DPP6: variants seen among roughly 807,000 people sequenced by gnomAD.
DPP6 encodes A-type potassium channel modulatory protein DPP6.
DPP6 carries 69 observed loss-of-function variants against 122.6 expected under a neutral mutation model. The ratio of observed to expected loss-of-function variants is 0.56; its 90% CI spans 0.46 to 0.69. The LOEUF is 0.69. Ranked by LOEUF, DPP6 falls within the 30% of genes least tolerant of loss-of-function variation. The pLI is 0.00. For synonymous variants in DPP6, 418 were observed against 433.1 expected (o/e 0.97, Z 0.43); for missense variants, 928 against 1,116.9 (o/e 0.83, Z 2.41).
intron 1 of DPP6, among the ~76,000 whole-genome samples, chr7:154,196,097 C>T (rs1798853011): frequency 6.6e-6 from 1 of 152,206 alleles, no homozygotes; most frequent in East Asian, 1.9e-4. Context: ...TGTTCCTCCT[C>T]TCCTCTCTGT....
chr7:153,900,067 T>C (rs555996376), intron 1 of DPP6, among the ~76,000 whole-genome samples: 1 of 152,288 alleles, frequency 6.6e-6, no homozygotes, highest in Non-Finnish European at 1.5e-5. Flanking sequence ...AAGAACAAAA[T>C]CTTGAGCCCA....
At chr7:154,468,506 G>T (rs1280152416) in intron 2 of DPP6, among the ~76,000 whole-genome samples, 1 of 152,204 alleles carries the variant, frequency 6.6e-6, no homozygotes, top group Non-Finnish European at 1.5e-5. Flanking sequence ...AATAAACTAG[G>T]TAGGGAAACA....
intron 1 of DPP6, among the ~76,000 whole-genome samples, chr7:153,949,161 AGTGTTGCCTG>A (rs559234816): frequency 1.1e-4 from 16 of 152,288 alleles, no homozygotes; most frequent in South Asian, 8.3e-4. Flanking sequence ...CAGTGGAGTG[AGTGTTGCCTG>A]GTGTTGCCCA....
intron 10 of DPP6, among the ~76,000 whole-genome samples, chr7:154,792,268 C>T (rs1395549718): frequency 2.0e-5 from 3 of 152,244 alleles, no homozygotes; most frequent in Non-Finnish European, 4.4e-5. Context: ...TCACACACGT[C>T]CCATGGTAGG....
chr7:154,303,518 C>G (rs1166552590), intron 1 of DPP6, among the ~76,000 whole-genome samples: 2 of 152,042 alleles, frequency 1.3e-5, no homozygotes, highest in Non-Finnish European at 2.9e-5. Context: ...CGGCCCAGTC[C>G]CTCCTACCAA....
chr7:153,752,178 G>T, the DPP6 span, among the ~76,000 whole-genome samples: 5 of 152,162 alleles, frequency 3.3e-5, no homozygotes, highest in South Asian at 2.1e-4. Context: ...AATCAGGGAG[G>T]ACAAGGCAAC....
At chr7:154,598,389 C>T (rs1833227470) in intron 5 of DPP6, among the ~76,000 whole-genome samples, 1 of 152,126 alleles carries the variant, frequency 6.6e-6, no homozygotes, top group Non-Finnish European at 1.5e-5. Context: ...ACATTTTTTC[C>T]AGGTAACGTT....
the DPP6 span, among the ~76,000 whole-genome samples, chr7:153,824,729 G>A: frequency 1.3e-5 from 2 of 152,144 alleles, no homozygotes; most frequent in East Asian, 1.9e-4. Flanking sequence ...GTATTGGAAT[G>A]TATGTCCTCC....
intron 1 of DPP6, among the ~76,000 whole-genome samples, chr7:154,163,938 C>T (rs1378382680): frequency 2.6e-5 from 4 of 152,124 alleles, no homozygotes; most frequent in Admixed American, 6.5e-5. Context: ...AGCTCAGGCC[C>T]GCTCTCTACT....
In DPP6 at chr7:154,669,581, G is replaced by A. The variant is rs4960721; in HGVS notation, c.762+140G>A. ...GTGTGTGTGTGTAAATTAAAATCTG[G>A]AGAGGTACACCAGGGTGTCTGAATA... is the stretch of plus-strand genomic sequence containing the variant. On this transcript the variant is annotated intron_variant, in intron 7 of 25. Coordinates refer to ENST00000377770, the MANE Select transcript of DPP6 (RefSeq NM_130797.4). The A allele has an allele frequency of 0.1, 134,723 of 1,348,486 alleles. 7,491 individuals are homozygous for A. The highest frequency in any genetic ancestry group is 0.15 in the Middle Eastern group (791 of 5,298). The allele number at this position is 1,348,486 out of a possible 1,614,324, so 83.5% of individuals were successfully genotyped here. A position where few individuals can be genotyped will look rare whatever the true frequency, so the allele number is the denominator to read the frequency against.
chr7:154,243,205 A>G (rs1311966544), intron 1 of DPP6, among the ~76,000 whole-genome samples: 1 of 152,212 alleles, frequency 6.6e-6, no homozygotes, highest in Non-Finnish European at 1.5e-5. Flanking sequence ...TTTTGTCTAT[A>G]GTATCCAGAA....
the DPP6 span, among the ~76,000 whole-genome samples, chr7:153,832,274 G>A: frequency 2.2e-4 from 33 of 152,206 alleles, no homozygotes; most frequent in Middle Eastern, 3.4e-3. Context: ...CGATTTAAAC[G>A]AAAGCAAGGA....
intron 1 of DPP6, among the ~76,000 whole-genome samples, chr7:154,125,907 A>G (rs1807846957): frequency 6.6e-6 from 1 of 152,100 alleles, no homozygotes; most frequent in Admixed American, 6.6e-5. Context: ...GTGGTACCTG[A>G]TTATTAGGGT....
intron 17 of DPP6, among the ~76,000 whole-genome samples, chr7:154,859,744 T>C (rs182658195): frequency 1.5e-3 from 223 of 152,250 alleles, no homozygotes; most frequent in Non-Finnish European, 2.4e-3. Context: ...ACAAACAACT[T>C]AGGTACTGGG....
chr7:154,162,566 G>T (rs1304056047), intron 1 of DPP6, among the ~76,000 whole-genome samples: 1 of 152,182 alleles, frequency 6.6e-6, no homozygotes, highest in Non-Finnish European at 1.5e-5. Context: ...CACCCAGCAG[G>T]TACGGAGTCA....
Position 154,832,770 on chromosome 7 carries a change from A to G in DPP6, c.1667-21010A>G, listed in dbSNP as rs112584527. Reference sequence around the variant, plus strand: ...AGTGACGTCCTAGACACAAGAGGGCACTGCAGTACTGCACATTTGTGCTTC... The same window carrying G: ...AGTGACGTCCTAGACACAAGAGGGCGCTGCAGTACTGCACATTTGTGCTTC... On this transcript the variant is annotated intron_variant, in intron 16 of 25. Transcript: ENST00000377770. 3.2e-3 allele frequency among the ~76,000 whole-genome samples: 481 copies of G among 152,338 alleles called. 1 individual carries two copies. The highest frequency in any genetic ancestry group is 0.011 in the African/African-American group (454 of 41,570).
intron 19 of DPP6, among the ~76,000 whole-genome samples, chr7:154,874,225 A>G (rs1398929529): frequency 6.6e-6 from 1 of 152,210 alleles, no homozygotes; most frequent in Non-Finnish European, 1.5e-5. Context: ...ACAACTTCCG[A>G]ACCAGCTTTC....
At chr7:154,449,762 C>T (rs1433470779) in intron 2 of DPP6, among the ~76,000 whole-genome samples, 1 of 152,004 alleles carries the variant, frequency 6.6e-6, no homozygotes, top group African/African-American at 2.4e-5. Context: ...AATCCCAGCA[C>T]TTTGGGAGGC....
intron 1 of DPP6, among the ~76,000 whole-genome samples, chr7:154,015,680 C>G (rs772961031): frequency 6.6e-6 from 1 of 152,098 alleles, no homozygotes; most frequent in South Asian, 2.1e-4. Flanking sequence ...CAAGCCTCAT[C>G]GATCCCATCT....
Sources: gnomAD v4.1 joint callset for allele counts (sites outside exome capture counted in the v4.1 genomes callset) on GRCh38, gnomAD v4.1.1 for gene constraint, MANE v1.5 for transcripts, NCBI Gene and HGNC (gene_info 2026-07-23, HGNC 2026-07-21) for gene names.